PSMD14: variants seen among roughly 807,000 people sequenced by gnomAD.
The protein encoded by PSMD14 is proteasome 26S subunit, non-ATPase 14, also known as ubiquitin C-terminal hydrolase PSMD14.
In PSMD14, 7 loss-of-function variants were observed where a neutral mutation model predicts 41.2. The ratio of observed to expected loss-of-function variants is 0.17; its 90% CI spans 0.10 to 0.32. The LOEUF is 0.32. Among genes scored for constraint, PSMD14 ranks in the 10% least tolerant of loss-of-function variants. The probability of loss-of-function intolerance (pLI) is 1.00; values close to 1 mark genes in which losing one functional copy is unlikely to be tolerated. For missense variants in PSMD14, 139 were observed against 375.6 expected (o/e 0.37, Z 5.21); for synonymous variants, 114 against 122.3 (o/e 0.93, Z 0.45).
chr2:161,373,419 A>G (rs1292888321), intron 7 of PSMD14, among the ~76,000 whole-genome samples: 2 of 151,826 alleles, frequency 1.3e-5, no homozygotes, highest in South Asian at 4.1e-4. Context: ...CAGTAATGCA[A>G]CTTCATCTTT....
chr2:161,314,591 T>C (rs1559036031), intron 1 of PSMD14, among the ~76,000 whole-genome samples: 1 of 152,192 alleles, frequency 6.6e-6, no homozygotes, highest in African/African-American at 2.4e-5. Flanking sequence ...CTGCATTCTG[T>C]CTCTATGGAT....
intron 3 of PSMD14, among the ~76,000 whole-genome samples, chr2:161,323,257 C>G (rs1020964564): frequency 2.0e-5 from 3 of 152,228 alleles, no homozygotes; most frequent in Non-Finnish European, 4.4e-5. Flanking sequence ...CACTTACTAT[C>G]TTAAACCTTT....
At chr2:161,324,633 CTTTTTTT>C (rs553134295) in intron 3 of PSMD14, among the ~76,000 whole-genome samples, 1 of 131,810 alleles carries the variant, frequency 7.6e-6, no homozygotes, top group African/African-American at 2.8e-5. Flanking sequence ...TTCTTTCTTT[CTTTTTTT>C]TTTTTTTGAA....
chr2:161,333,015 C>T (rs1682817627), intron 3 of PSMD14, among the ~76,000 whole-genome samples: 1 of 152,198 alleles, frequency 6.6e-6, no homozygotes, highest in African/African-American at 2.4e-5. Flanking sequence ...CCTAAGGCCA[C>T]ATTAGTGTTG....
chr2:161,399,813 A>C (rs1045386704), intron 10 of PSMD14, among the ~76,000 whole-genome samples: 3 of 152,214 alleles, frequency 2.0e-5, no homozygotes, highest in Admixed American at 2.0e-4. Flanking sequence ...TTCAGTTTTA[A>C]GTGCATATAA....
rs939295939 is a variant in PSMD14, at chr2:161,342,766, AT to A, written c.48+23900del. Among the ~76,000 whole-genome samples, 8 of 150,850 alleles carry A rather than the reference AT, an allele frequency of 5.3e-5. No individual in the cohort carries two copies. The Middle Eastern group carries it at 0.014, about 267-fold the overall frequency. On this transcript the variant is annotated intron_variant, in intron 3 of 11. Coordinates refer to ENST00000409682, the MANE Select transcript of PSMD14 (RefSeq NM_005805.6). ...TAATTTTCTCATTTGTTCTTTTGTC[AT>A]TTTTTTCCTTTCTCTGACTCCTTTG...
chr2:161,388,934 G>A (rs1214468811), intron 8 of PSMD14, among the ~76,000 whole-genome samples: 1 of 152,118 alleles, frequency 6.6e-6, no homozygotes, highest in East Asian at 1.9e-4. Flanking sequence ...TATGATTTGG[G>A]AGGAAGGCAC....
At chr2:161,322,028 GC>G (rs1375140521) in intron 3 of PSMD14, among the ~76,000 whole-genome samples, 2 of 152,078 alleles carry the variant, frequency 1.3e-5, no homozygotes, top group Non-Finnish European at 2.9e-5. Flanking sequence ...CAAAGTCTTA[GC>G]CCTCTAATTA....
chr2:161,406,103 A>G (rs1423153838), intron 10 of PSMD14, among the ~76,000 whole-genome samples: 1 of 152,172 alleles, frequency 6.6e-6, no homozygotes, highest in African/African-American at 2.4e-5. Context: ...AGGGTAAATA[A>G]AGTGATGGAA....
intron 1 of PSMD14, among the ~76,000 whole-genome samples, chr2:161,314,449 C>G (rs1416467673): frequency 6.6e-6 from 1 of 152,190 alleles, no homozygotes; most frequent in Non-Finnish European, 1.5e-5. Context: ...ATCATTTTGT[C>G]CATTCGCAGT....
intron 3 of PSMD14, among the ~76,000 whole-genome samples, chr2:161,361,223 A>G (rs1187503908): frequency 3.3e-5 from 5 of 152,136 alleles, no homozygotes; most frequent in Non-Finnish European, 5.9e-5. Context: ...AAATGCTTCC[A>G]GTACTAAGAA....
chr2:161,354,991 T>A (rs893482673), intron 3 of PSMD14, among the ~76,000 whole-genome samples: 2 of 152,200 alleles, frequency 1.3e-5, no homozygotes, highest in African/African-American at 2.4e-5. Flanking sequence ...AAAAGAAACT[T>A]TTCAGAGAGG....
chr2:161,392,400 A>G (rs979713655), intron 9 of PSMD14, among the ~76,000 whole-genome samples: 2 of 152,168 alleles, frequency 1.3e-5, no homozygotes, highest in African/African-American at 2.4e-5. Flanking sequence ...GGTGTCTTAG[A>G]AGGGGATTCT....
intron 1 of PSMD14, among the ~76,000 whole-genome samples, chr2:161,313,476 A>G (rs1000404704): frequency 6.6e-6 from 1 of 152,050 alleles, no homozygotes; most frequent in African/African-American, 2.4e-5. Context: ...CAGCCTCCCC[A>G]GTAGCTGGGA....
At chr2:161,399,335 CTGAG>C (rs1281398336) in intron 10 of PSMD14, among the ~76,000 whole-genome samples, 1 of 152,082 alleles carries the variant, frequency 6.6e-6, no homozygotes, top group African/African-American at 2.4e-5. Context: ...CTAACATTTA[CTGAG>C]TGTTTGTTAC....
intron 7 of PSMD14, 49 bp downstream of exon 7, chr2:161,371,371 C>T (rs1428452809): frequency 6.6e-7 from 1 of 1,521,602 alleles, no homozygotes; most frequent in East Asian, 2.4e-5. Flanking sequence ...ATTCTGTTTA[C>T]AGATACATTA....
chr2:161,382,789 G>A (rs576852233), intron 7 of PSMD14: 1 of 151,684 alleles, frequency 6.6e-6, no homozygotes, highest in Non-Finnish European at 1.5e-5. Context: ...GATATAAACT[G>A]AACTAATTTA....
At chr2:161,391,541 AT>A (rs757527038) in intron 9 of PSMD14, among the ~76,000 whole-genome samples, 5 of 152,072 alleles carry the variant, frequency 3.3e-5, no homozygotes, top group Non-Finnish European at 7.4e-5. Context: ...TGCTCTGTAA[AT>A]TTGAGAGGAA....
chr2:161,393,971 ATT>A (rs11452254), intron 9 of PSMD14, among the ~76,000 whole-genome samples: 25 of 100,896 alleles, frequency 2.5e-4, no homozygotes, highest in Admixed American at 6.9e-4. Flanking sequence ...ACACTAGATA[ATT>A]TTTTTTTTTT....
Sources: allele counts gnomAD v4.1 joint callset (sites outside exome capture counted in the v4.1 genomes callset), GRCh38; gene constraint gnomAD v4.1.1; transcripts MANE v1.5; gene names NCBI Gene and HGNC (gene_info 2026-07-23, HGNC 2026-07-21).